Variants in MYOM1 observed in about 807,000 individuals in gnomAD.
MYOM1 encodes the protein myomesin 1.
A neutral mutation model predicts 205.3 loss-of-function variants in MYOM1; 164 were observed. The ratio of observed to expected loss-of-function variants is 0.80; its 90% CI spans 0.70 to 0.91. The LOEUF (loss-of-function observed/expected upper bound fraction) is 0.91, where lower values mean the gene tolerates loss of function less well. Ranked by LOEUF, MYOM1 falls within the 40% of genes least tolerant of loss-of-function variation. MYOM1 has a pLI of 0.00. For missense variants in MYOM1, 2,011 were observed against 2,127.3 expected (o/e 0.95, Z 1.08); for synonymous variants, 772 against 789.4 (o/e 0.98, Z 0.37).
chr18:3,145,233 C>G (rs1386225421), intron 13 of MYOM1, among the ~76,000 whole-genome samples: 1 of 151,634 alleles, frequency 6.6e-6, no homozygotes, highest in African/African-American at 2.4e-5. Context: ...TCACTTGAAC[C>G]TGGGAGACGG....
At chr18:3,197,736 G>A (rs1357112060) in intron 2 of MYOM1, among the ~76,000 whole-genome samples, 2 of 151,854 alleles carry the variant, frequency 1.3e-5, no homozygotes, top group African/African-American at 4.8e-5. Context: ...AGCTGGGCAT[G>A]GTGGCAGGCG....
At position 3,135,789 on chromosome 18, in the gene MYOM1, C is replaced by A; in HGVS notation, c.2026-59G>T. 1 of 1,577,790 alleles carries A rather than the reference C, an allele frequency of 6.3e-7. No individual in the cohort carries two copies. ...CAGCAAACACAAGCGAGAATCCAGG[C>A]CAGGCAACTCCAAGTTTCATTCATC... On this transcript the variant is annotated intron_variant, in intron 14 of 37. Coordinates refer to ENST00000356443, the MANE Select transcript of MYOM1 (RefSeq NM_003803.4). The surrounding 1 kb of genome is among the most constrained non-coding windows in gnomAD (Gnocchi z 4.1).
At position 3,214,960 on chromosome 18, in the gene MYOM1, T is replaced by C. The variant is rs1235127339; in HGVS notation, c.264A>G (p.Ser88=). Residue 88 remains serine, a synonymous_variant, in exon 2 of 38, where the codon TCA becomes TCG. Transcript: ENST00000356443. The stretch of plus-strand genomic sequence containing the variant: ...CATGGGAGGAGCCATAATCGTAGGC[T>C]GAGGCTGCCTTCCGACTGACTTCAG... The part of the protein sequence containing the change: ...LSSEVSRKAA[S]AYDYGSSHGL... 6.2e-7 allele frequency: 1 copy of C among 1,607,272 alleles called. No individual in the cohort carries two copies. The highest frequency in any genetic ancestry group is 1.7e-5 in the Admixed American group (1 of 59,738).
intron 2 of MYOM1, among the ~76,000 whole-genome samples, chr18:3,208,853 C>T (rs2081157761): frequency 6.6e-6 from 1 of 152,180 alleles, no homozygotes; most frequent in African/African-American, 2.4e-5. Flanking sequence ...TGGTCTGAAA[C>T]TCCTGGGCTC....
chr18:3,105,929 A>G (rs1451402100), intron 22 of MYOM1, among the ~76,000 whole-genome samples: 1 of 152,206 alleles, frequency 6.6e-6, no homozygotes, highest in Non-Finnish European at 1.5e-5. Context: ...ATAGAGCTGA[A>G]TCACTGAAGT....
At chr18:3,217,758 G>C (rs1437236690) in intron 1 of MYOM1, among the ~76,000 whole-genome samples, 1 of 152,120 alleles carries the variant, frequency 6.6e-6, no homozygotes, top group African/African-American at 2.4e-5. Flanking sequence ...CAAGGCAGGA[G>C]GATTTCCTGA....
At chr18:3,121,127 C>A (rs1448807761) in intron 19 of MYOM1, among the ~76,000 whole-genome samples, 1 of 151,988 alleles carries the variant, frequency 6.6e-6, no homozygotes, top group East Asian at 1.9e-4. Flanking sequence ...GATTAATAGA[C>A]ATGGAAGATA....
intron 4 of MYOM1, among the ~76,000 whole-genome samples, chr18:3,187,857 C>CTTTTTTTTTTTTTTT (rs763218658): frequency 8.0e-6 from 1 of 124,224 alleles, no homozygotes; most frequent in African/African-American, 3.3e-5. Flanking sequence ...ATTTCTTTTT[C>CTTTTTTTTTTTTTTT]TTTTTTTTTT....
the MYOM1 span, among the ~76,000 whole-genome samples, chr18:3,238,870 C>T: frequency 6.6e-6 from 1 of 152,196 alleles, no homozygotes; most frequent in South Asian, 2.1e-4. Context: ...AACATTGTAT[C>T]TCTTTGACCC....
At chr18:3,145,595 A>T (rs982516794) in intron 13 of MYOM1, among the ~76,000 whole-genome samples, 2 of 152,176 alleles carry the variant, frequency 1.3e-5, no homozygotes, top group African/African-American at 4.8e-5. Context: ...AAAAATGAAA[A>T]CACAACAGAT....
At chr18:3,240,257 A>G in the MYOM1 span, among the ~76,000 whole-genome samples, 20,781 of 152,196 alleles carry the variant, frequency 0.14, 1,623 homozygotes, top group East Asian at 0.33. Context: ...TTTAACAGTT[A>G]AAACAGCATT....
intron 34 of MYOM1, among the ~76,000 whole-genome samples, chr18:3,077,463 T>C (rs1224874577): frequency 6.6e-6 from 1 of 152,176 alleles, no homozygotes. Context: ...AAAGCTAGGC[T>C]TACAGTTGCT....
At chr18:3,119,817 C>T (rs2143832516) in intron 20 of MYOM1, 52 bp downstream of exon 20, 11 of 1,558,986 alleles carry the variant, frequency 7.1e-6, no homozygotes, top group Non-Finnish European at 9.6e-6. Context: ...GTTGTAGGTT[C>T]TCTTGGAGGA....
At position 3,193,872 on chromosome 18, in the gene MYOM1, C is replaced by A; in HGVS notation, c.377G>T (p.Gly126Val). The stretch of plus-strand genomic sequence containing the variant: ...ACTGGGCAAATTTTCTTTCTCTTCT[C>A]CAGACAGTAGGCTGTGCTTGGCTCT... ...PKRAKHSLLS[G>V]EEKENLPSDY... Residue 126 changes from glycine (G) to valine (V), a missense_variant, in exon 3 of 38, where the codon GGA becomes GTA. Gly to Val is a moderately radical substitution (Grantham distance 109). Transcript: ENST00000356443. 6.2e-7 allele frequency: 1 copy of A among 1,613,886 alleles called. No individual in the cohort carries two copies. The highest frequency in any genetic ancestry group is 1.1e-5 in the South Asian group (1 of 91,076).
At chr18:3,224,885 T>C (rs1240450154), upstream of MYOM1, among the ~76,000 whole-genome samples, 1 of 152,190 alleles carries the variant, frequency 6.6e-6, no homozygotes, top group African/African-American at 2.4e-5. Context: ...CAGGTTGGTA[T>C]TGAACTGCTG....
intron 2 of MYOM1, among the ~76,000 whole-genome samples, chr18:3,194,909 TA>T (rs5822742): frequency 9.5e-5 from 14 of 147,292 alleles, no homozygotes; most frequent in South Asian, 4.3e-4. Context: ...AAACTATTCT[TA>T]AAAAAAAAAA....
chr18:3,158,137 C>T (rs80210242), intron 10 of MYOM1, among the ~76,000 whole-genome samples: 29,219 of 151,922 alleles, frequency 0.19, 2,988 homozygotes, highest in East Asian at 0.37. Context: ...ACTACTATTA[C>T]CATATTGGCC....
Position 3,219,858 on chromosome 18 carries a change from A to T in MYOM1, c.-84T>A, listed in dbSNP as rs1215848267. On this transcript the variant is annotated 5_prime_UTR_variant, in exon 1 of 38. Coordinates refer to ENST00000356443, the MANE Select transcript of MYOM1 (RefSeq NM_003803.4). This position sits in a 1 kb window ranked among gnomAD's most constrained non-coding sequence, Gnocchi z 4.4. ...TGTTCCGATGAGGCCGAGGAGCTGGATGAGAGAATGAAGACTCCACCTAGG... is the reference window on the plus strand; with the variant it reads ...TGTTCCGATGAGGCCGAGGAGCTGGTTGAGAGAATGAAGACTCCACCTAGG... The T allele has an allele frequency of 6.6e-6, 1 of 152,312 alleles. No individual in the cohort carries two copies. Among genetic ancestry groups the T allele is most frequent in the Non-Finnish European group, 1.5e-5 (1 of 68,102 alleles). 9.4% of individuals were successfully genotyped at this position (152,312 alleles called of 1,614,324 possible).
chr18:3,106,371 T>C (rs2079451616), intron 22 of MYOM1, among the ~76,000 whole-genome samples: 11 of 152,220 alleles, frequency 7.2e-5, no homozygotes, highest in Admixed American at 7.2e-4. Context: ...AAAGATGTTA[T>C]TTTTAGGTTC....
Sources: gnomAD v4.1 joint callset for allele counts (sites outside exome capture counted in the v4.1 genomes callset) on GRCh38, gnomAD v4.1.1 for gene constraint, Gnocchi (gnomAD v3.1) non-coding constraint, MANE v1.5 for transcripts, NCBI Gene and HGNC (gene_info 2026-07-23, HGNC 2026-07-21) for gene names.